Variants in FAM227B observed in about 807,000 individuals in gnomAD.
The protein encoded by FAM227B is family with sequence similarity 227 member B, also known as protein FAM227B.
FAM227B carries 88 observed loss-of-function variants against 73.8 expected under a neutral mutation model. That is an observed-to-expected ratio of 1.19 (90% CI 1.00 to 1.42). FAM227B has a LOEUF of 1.42. FAM227B is among the 40% of genes most tolerant of loss of function. FAM227B has a pLI of 0.00. For synonymous variants in FAM227B, 210 were observed against 190.5 expected, an observed-to-expected ratio of 1.10 and a Z score of -0.84; for missense variants, 632 against 590.9, an observed-to-expected ratio of 1.07 and a Z score of -0.72.
chr15:49,327,129 C>A lies in FAM227B; in HGVS notation c.*1439G>T, dbSNP rs1851839384. The A allele has an allele frequency of 6.6e-6, 1 of 152,148 alleles. No individual in the cohort carries two copies. Among genetic ancestry groups the A allele is most frequent in the Non-Finnish European group, 1.5e-5 (1 of 68,026 alleles). The allele number at this position is 152,148 out of a possible 1,614,324, so 9.4% of individuals were successfully genotyped here. ...TAGGGCCTTTCACTTTGGTTGAAATCTTAGGTTTGAAACTGTGCCTGGTTT... is the reference window on the plus strand; with the variant it reads ...TAGGGCCTTTCACTTTGGTTGAAATATTAGGTTTGAAACTGTGCCTGGTTT... On this transcript the variant is annotated 3_prime_UTR_variant, in exon 16 of 16. Coordinates refer to ENST00000299338, the MANE Select transcript of FAM227B (RefSeq NM_152647.3).
chr15:49,448,552 A>T (rs868479253), intron 11 of FAM227B, among the ~76,000 whole-genome samples: 10 of 151,790 alleles, frequency 6.6e-5, no homozygotes, highest in African/African-American at 2.4e-4. Flanking sequence ...AAAAATGATT[A>T]AAAATAAATA....
At chr15:49,413,137 C>T (rs1183454042) in intron 11 of FAM227B, among the ~76,000 whole-genome samples, 3 of 152,066 alleles carry the variant, frequency 2.0e-5, no homozygotes, top group Non-Finnish European at 4.4e-5. Flanking sequence ...GCTCTGTGTC[C>T]TCACCCAAAT....
chr15:49,446,809 CAG>C (rs370936568), intron 11 of FAM227B, among the ~76,000 whole-genome samples: 14 of 151,086 alleles, frequency 9.3e-5, no homozygotes, highest in African/African-American at 3.4e-4. Flanking sequence ...ATGGGAGAGA[CAG>C]AATTAAAGGA....
At chr15:49,458,268 C>A (rs2053495141) in intron 11 of FAM227B, among the ~76,000 whole-genome samples, 1 of 151,604 alleles carries the variant, frequency 6.6e-6, no homozygotes, top group Admixed American at 6.6e-5. Context: ...AATTAATATA[C>A]TCTGGAGAAA....
At chr15:49,436,283 A>T (rs1489314257) in intron 11 of FAM227B, among the ~76,000 whole-genome samples, 1 of 151,600 alleles carries the variant, frequency 6.6e-6, no homozygotes, top group Non-Finnish European at 1.5e-5. Flanking sequence ...TTGAGTAGTC[A>T]GTTAACTTAC....
intron 3 of FAM227B, among the ~76,000 whole-genome samples, chr15:49,596,408 T>C (rs1219369498): frequency 1.3e-5 from 2 of 151,680 alleles, no homozygotes; most frequent in African/African-American, 4.8e-5. Flanking sequence ...GACAAACAAA[T>C]GATGAGAGAG....
At chr15:49,584,042 G>A (rs750245193) in intron 5 of FAM227B, among the ~76,000 whole-genome samples, 30 of 151,882 alleles carry the variant, frequency 2.0e-4, no homozygotes, top group African/African-American at 4.4e-4. Flanking sequence ...CACTAAAACC[G>A]GGCAGAGATA....
chr15:49,386,305 C>A (rs2046879637), intron 11 of FAM227B, among the ~76,000 whole-genome samples: 1 of 151,714 alleles, frequency 6.6e-6, no homozygotes, highest in Non-Finnish European at 1.5e-5. Flanking sequence ...CAAGTATCTT[C>A]TCAGGCCACA....
intron 9 of FAM227B, among the ~76,000 whole-genome samples, chr15:49,544,425 T>C (rs2071525698): frequency 6.6e-6 from 1 of 152,174 alleles, no homozygotes; most frequent in African/African-American, 2.4e-5. Flanking sequence ...TTTAGGGTTT[T>C]CTAGGTATAC....
chr15:49,576,034 T>C (rs1463475136), intron 7 of FAM227B: 2 of 152,214 alleles, frequency 1.3e-5, no homozygotes, highest in African/African-American at 4.8e-5. Context: ...AAGGACATCA[T>C]ATAAACTCTC....
Position 49,522,030 on chromosome 15 carries a change from T to G in FAM227B, c.875-13682A>C, listed in dbSNP as rs964134441. Among the ~76,000 whole-genome samples the G allele has an allele frequency of 2.6e-5, 4 of 152,128 alleles. No individual in the cohort carries two copies. The East Asian group carries it at 5.8e-4, about 22-fold the overall frequency. ...TGAACTGCACCACCAAATAACCTGCTGAAGCACACCATGCTAGGGCAGGAG... is the reference window on the plus strand; with the variant it reads ...TGAACTGCACCACCAAATAACCTGCGGAAGCACACCATGCTAGGGCAGGAG... On this transcript the variant is annotated intron_variant, in intron 10 of 15. Transcript: ENST00000299338.
chr15:49,425,322 AT>A (rs1034869390), intron 11 of FAM227B: 1 of 151,930 alleles, frequency 6.6e-6, no homozygotes, highest in Non-Finnish European at 1.5e-5. Flanking sequence ...AAAGCCTTAC[AT>A]TTTTCCCAAG....
intron 10 of FAM227B, among the ~76,000 whole-genome samples, 182 bp from the exon 11 acceptor site, chr15:49,508,530 C>T (rs2058746112): frequency 6.6e-6 from 1 of 151,786 alleles, no homozygotes; most frequent in African/African-American, 2.4e-5. Context: ...CATCTGTATC[C>T]TCAGCAATAA....
At chr15:49,461,829 A>G (rs1307490578) in intron 11 of FAM227B, among the ~76,000 whole-genome samples, 1 of 152,216 alleles carries the variant, frequency 6.6e-6, no homozygotes, top group Non-Finnish European at 1.5e-5. Flanking sequence ...CAAGCTCTCT[A>G]TCTACATATG....
At chr15:49,449,668 C>T (rs1013481500) in intron 11 of FAM227B, among the ~76,000 whole-genome samples, 3 of 152,038 alleles carry the variant, frequency 2.0e-5, no homozygotes, top group African/African-American at 7.2e-5. Context: ...TTAAGCTTGT[C>T]CAGGTCCCTT....
chr15:49,346,385 C>T (rs2041512676), intron 13 of FAM227B, among the ~76,000 whole-genome samples: 1 of 152,162 alleles, frequency 6.6e-6, no homozygotes, highest in South Asian at 2.1e-4. Flanking sequence ...CCTGTTACTT[C>T]ATTTTCCCCA....
chr15:49,497,933 G>A (rs887528289), intron 11 of FAM227B, among the ~76,000 whole-genome samples: 7 of 152,124 alleles, frequency 4.6e-5, no homozygotes, highest in African/African-American at 9.7e-5. Flanking sequence ...AGAGAAATTC[G>A]TACACGAAAC....
chr15:49,436,362 G>A (rs1294660154), intron 11 of FAM227B, among the ~76,000 whole-genome samples: 1 of 151,558 alleles, frequency 6.6e-6, no homozygotes, highest in Non-Finnish European at 1.5e-5. Flanking sequence ...ATATTAAGGA[G>A]CAAGAAGTTC....
chr15:49,441,879 C>G (rs2051685138), intron 11 of FAM227B, among the ~76,000 whole-genome samples: 1 of 151,084 alleles, frequency 6.6e-6, no homozygotes, highest in Admixed American at 6.6e-5. Flanking sequence ...GAGGAGGGAG[C>G]AACCTTCTCA....
Sources: gnomAD v4.1 joint callset for allele counts (sites outside exome capture counted in the v4.1 genomes callset) on GRCh38, gnomAD v4.1.1 for gene constraint, MANE v1.5 for transcripts, NCBI Gene and HGNC (gene_info 2026-07-23, HGNC 2026-07-21) for gene names.